Variants in PPP1R1C observed in about 807,000 individuals in gnomAD.
PPP1R1C encodes the protein protein phosphatase 1 regulatory subunit 1C.
A neutral mutation model predicts 17.4 loss-of-function variants in PPP1R1C; 15 were observed. The observed-to-expected ratio is 0.86, with a 90% CI of 0.58 to 1.33. PPP1R1C has a LOEUF of 1.33. Among genes scored for constraint, PPP1R1C ranks in the 40% most tolerant of loss-of-function variants. The pLI is 0.00. For missense variants in PPP1R1C, 143 were observed against 130.0 expected, an observed-to-expected ratio of 1.10 and a Z score of -0.48; for synonymous variants, 35 against 43.1, an observed-to-expected ratio of 0.81 and a Z score of 0.73.
At chr2:182,083,464 C>A (rs1688539300) in intron 4 of PPP1R1C, among the ~76,000 whole-genome samples, 1 of 152,106 alleles carries the variant, frequency 6.6e-6, no homozygotes, top group South Asian at 2.1e-4. Flanking sequence ...ATAATGTATA[C>A]CCTTGTGGAC....
intron 4 of PPP1R1C, among the ~76,000 whole-genome samples, chr2:182,112,465 G>C (rs1249416312): frequency 6.6e-6 from 1 of 151,956 alleles, no homozygotes; most frequent in Non-Finnish European, 1.5e-5. Flanking sequence ...AATGAAAAGG[G>C]CCTCATGATC....
intron 4 of PPP1R1C, among the ~76,000 whole-genome samples, chr2:182,101,298 A>G (rs576477627): frequency 1.3e-5 from 2 of 152,298 alleles, no homozygotes; most frequent in South Asian, 2.1e-4. Context: ...AATGCTACCA[A>G]TGGTGTTTTT....
intron 2 of PPP1R1C, among the ~76,000 whole-genome samples, chr2:181,990,602 A>G (rs16867518): frequency 0.023 from 3,483 of 152,374 alleles, 57 homozygotes; most frequent in Non-Finnish European, 0.038. Context: ...GTTCGGGAAT[A>G]CAATATTTGC....
chr2:182,112,067 C>T (rs1298814492), intron 4 of PPP1R1C, among the ~76,000 whole-genome samples: 2 of 152,128 alleles, frequency 1.3e-5, no homozygotes, highest in African/African-American at 4.8e-5. Flanking sequence ...TTTTACTGAT[C>T]CATAGCGCTT....
downstream of PPP1R1C, chr2:182,130,020 G>A (rs1559105298): frequency 6.6e-6 from 1 of 152,042 alleles, no homozygotes. Flanking sequence ...ATTTAAAAAT[G>A]TTTCCTATGT....
At chr2:182,106,245 C>T (rs985603396) in intron 4 of PPP1R1C, among the ~76,000 whole-genome samples, 4 of 152,162 alleles carry the variant, frequency 2.6e-5, no homozygotes, top group Admixed American at 6.5e-5. Flanking sequence ...AGGACAGGCA[C>T]TCCTGCTTTC....
intron 2 of PPP1R1C, among the ~76,000 whole-genome samples, chr2:181,991,856 G>T (rs886666827): frequency 3.9e-5 from 6 of 151,978 alleles, no homozygotes; most frequent in Non-Finnish European, 5.9e-5. Context: ...GTAGTGAACT[G>T]GTTTGGTTCC....
At chr2:182,116,670 C>T (rs1468992551) in intron 4 of PPP1R1C, among the ~76,000 whole-genome samples, 1 of 152,102 alleles carries the variant, frequency 6.6e-6, no homozygotes, top group Non-Finnish European at 1.5e-5. Context: ...ATGTTTTTCC[C>T]ACTGTATAGG....
chr2:182,051,957 C>G lies in PPP1R1C; in HGVS notation c.143-9485C>G, dbSNP rs758004003. On this transcript the variant is annotated intron_variant, in intron 2 of 4. Coordinates refer to ENST00000682840, the MANE Select transcript of PPP1R1C (RefSeq NM_001080545.3). ...TGAGGTTGCAGTGAGCCGCTGAGAT[C>G]GCGCCGTTGCACTCCAGCCTGGGCG... Among the ~76,000 whole-genome samples, 6 of 151,628 alleles carry G rather than the reference C, an allele frequency of 4.0e-5. No individual in the cohort carries two copies. The South Asian group carries it at 1.3e-3, about 32-fold the overall frequency.
chr2:182,117,212 A>G lies in PPP1R1C; in HGVS notation c.247A>G (p.Lys83Glu), dbSNP rs1210225899. The change falls in exon 5 of 5, where the codon AAG becomes GAG. Residue 83 changes from lysine to glutamate, a missense_variant. Transcript: ENST00000682840. ...CATAATTTTTATAATTTCAGGGGTT[A>G]AGCATCTGAAAGGCCAGAATGAATC... Reference protein sequence around the residue: ...VYTPPTIKGVKHLKGQNESAF... With the variant: ...VYTPPTIKGVEHLKGQNESAF... The G allele has an allele frequency of 1.3e-6, 2 of 1,546,566 alleles. No individual in the cohort carries two copies. Among genetic ancestry groups the G allele is most frequent in the Non-Finnish European group, 1.8e-6 (2 of 1,142,494 alleles).
intron 4 of PPP1R1C, among the ~76,000 whole-genome samples, chr2:182,090,819 C>A (rs898485098): frequency 6.6e-6 from 1 of 152,096 alleles, no homozygotes; most frequent in Non-Finnish European, 1.5e-5. Flanking sequence ...AGAAAAGAAA[C>A]CAAATTCTCC....
rs190200175 is a variant in PPP1R1C, at chr2:182,094,664, C to T, written c.242-22543C>T. ...GAACTGTGTTGTGATACGATTTTGC[C>T]CAACTGTAGGCTAATGTAAGTGTTT... On this transcript the variant is annotated intron_variant, in intron 4 of 4. Coordinates refer to ENST00000682840, the MANE Select transcript of PPP1R1C (RefSeq NM_001080545.3). Among the ~76,000 whole-genome samples, 606 of 152,180 alleles carry T rather than the reference C, an allele frequency of 4.0e-3. 1 individual carries two copies. The highest frequency in any genetic ancestry group is 0.016 in the South Asian group (78 of 4,814).
chr2:182,038,912 G>T (rs1248342444), intron 2 of PPP1R1C, among the ~76,000 whole-genome samples: 1 of 152,116 alleles, frequency 6.6e-6, no homozygotes, highest in Non-Finnish European at 1.5e-5. Flanking sequence ...TTTTCTAATT[G>T]TTATTTCATT....
intron 3 of PPP1R1C, among the ~76,000 whole-genome samples, chr2:182,062,557 G>A (rs942587302): frequency 6.6e-6 from 1 of 152,060 alleles, no homozygotes; most frequent in African/African-American, 2.4e-5. Flanking sequence ...TAGTATGTAG[G>A]TATCACAAAA....
chr2:182,043,035 T>G (rs1239615813), intron 2 of PPP1R1C, among the ~76,000 whole-genome samples: 2 of 152,192 alleles, frequency 1.3e-5, no homozygotes, highest in Non-Finnish European at 2.9e-5. Context: ...CTGCAAACAA[T>G]GAGCCACCAG....
intron 2 of PPP1R1C, among the ~76,000 whole-genome samples, chr2:182,055,244 AACTTCCCTCTAAGTGTCTTT>A (rs1017939063): frequency 6.6e-6 from 1 of 152,096 alleles, no homozygotes; most frequent in Non-Finnish European, 1.5e-5. Context: ...AGAGTATAGA[AACTTCCCTCTAAGTGTCTTT>A]ACTTCCCTCT....
intron 1 of PPP1R1C, among the ~76,000 whole-genome samples, chr2:181,969,776 G>A (rs1053816874): frequency 1.3e-5 from 2 of 152,012 alleles, no homozygotes; most frequent in Non-Finnish European, 2.9e-5. Context: ...AGATCTTGTA[G>A]GCATGCTTGT....
chr2:182,033,619 A>C (rs1156277599), intron 2 of PPP1R1C, among the ~76,000 whole-genome samples: 1 of 152,092 alleles, frequency 6.6e-6, no homozygotes. Flanking sequence ...GGTCCTTATC[A>C]TCTCCATTCT....
intron 2 of PPP1R1C, among the ~76,000 whole-genome samples, chr2:182,006,830 T>G (rs1318155954): frequency 1.3e-5 from 2 of 152,184 alleles, no homozygotes; most frequent in African/African-American, 4.8e-5. Context: ...TCATGGACAT[T>G]GTAATGTTAG....
Sources: gnomAD v4.1 joint callset for allele counts (sites outside exome capture counted in the v4.1 genomes callset) on GRCh38, gnomAD v4.1.1 for gene constraint, MANE v1.5 for transcripts, NCBI Gene and HGNC (gene_info 2026-07-23, HGNC 2026-07-21) for gene names.